Variants in C10orf67 observed in about 807,000 individuals in gnomAD.
C10orf67 encodes chromosome 10 open reading frame 67.
A neutral mutation model predicts 35.6 loss-of-function variants in C10orf67; 60 were observed. The ratio of observed to expected loss-of-function variants is 1.68; its 90% CI spans 1.37 to 2.09. The LOEUF is 2.09. C10orf67 is among the 30% of genes most tolerant of loss of function. The pLI is 0.00. For missense variants in C10orf67, 474 were observed against 330.2 expected (o/e 1.44, Z -3.38); for synonymous variants, 167 against 115.8 (o/e 1.44, Z -2.84).
chr10:23,263,611 G>T (rs1842808436), intron 10 of C10orf67, among the ~76,000 whole-genome samples: 2 of 152,036 alleles, frequency 1.3e-5, no homozygotes, highest in Admixed American at 1.3e-4. Flanking sequence ...ACACAGAAGG[G>T]CCCTGATTCT....
chr10:23,299,389 G>A (rs1032835700), intron 5 of C10orf67, among the ~76,000 whole-genome samples: 18 of 152,184 alleles, frequency 1.2e-4, no homozygotes, highest in East Asian at 3.9e-4. Context: ...TTCTTTGCTC[G>A]TCCATATTGT....
chr10:23,278,249 C>T (rs1691533550), intron 8 of C10orf67, among the ~76,000 whole-genome samples: 1 of 152,050 alleles, frequency 6.6e-6, no homozygotes, highest in Admixed American at 6.5e-5. Context: ...GTAAAGCGAT[C>T]CTGAGACCAA....
At chr10:23,327,201 G>T (rs1241222973) in intron 2 of C10orf67, among the ~76,000 whole-genome samples, 1 of 151,352 alleles carries the variant, frequency 6.6e-6, no homozygotes, top group Non-Finnish European at 1.5e-5. Context: ...GGAGAAAAAA[G>T]GTATAGAAAA....
chr10:23,333,115 T>C lies in C10orf67; in HGVS notation c.274A>G (p.Ser92Gly). Residue 92 changes from serine to glycine, a missense_variant, in exon 2 of 16, where the codon AGT becomes GGT. Ser to Gly is a moderately conservative substitution (Grantham distance 56, BLOSUM62 0). Transcript: ENST00000636213. Reference protein sequence around the residue: ...STDHATQTDSSEILSVKELSS... With the variant: ...STDHATQTDSGEILSVKELSS... ...AATTCTTTTACTGACAGTATTTCACTGGAATCAGTTTGAGTGGCATGGTCT... is the reference window on the plus strand; with the variant it reads ...AATTCTTTTACTGACAGTATTTCACCGGAATCAGTTTGAGTGGCATGGTCT... The C allele has an allele frequency of 6.2e-7, 1 of 1,611,098 alleles. No homozygotes were observed. The highest frequency in any genetic ancestry group is 8.5e-7 in the Non-Finnish European group (1 of 1,177,600).
rs527931401 is a variant in C10orf67, at chr10:23,229,300, G to A, written c.1435-5482C>T. 3.3e-5 allele frequency among the ~76,000 whole-genome samples: 5 copies of A among 151,812 alleles called. 1 individual carries two copies. In the South Asian group the frequency reaches 1.0e-3, roughly 32 times the overall value. On this transcript the variant is annotated intron_variant, in intron 13 of 15. Coordinates refer to ENST00000636213, the MANE Select transcript of C10orf67 (RefSeq NM_001371909.1). The stretch of plus-strand genomic sequence containing the variant: ...CCTTTTTAGGGACATGGATGAAGCT[G>A]GAAACCATCATTCTCAGCAAACTAT...
chr10:23,253,832 A>G (rs564427055), intron 10 of C10orf67, among the ~76,000 whole-genome samples: 1 of 152,300 alleles, frequency 6.6e-6, no homozygotes, highest in African/African-American at 2.4e-5. Context: ...TCAAAAGACA[A>G]CACTATTATG....
chr10:23,221,337 A>G (rs1841574960), intron 15 of C10orf67, among the ~76,000 whole-genome samples: 1 of 152,162 alleles, frequency 6.6e-6, no homozygotes, highest in South Asian at 2.1e-4. Flanking sequence ...CTATAATCCA[A>G]TCACCTCCCA....
At chr10:23,287,084 C>T (rs2132250760) in intron 7 of C10orf67, among the ~76,000 whole-genome samples, 1 of 152,308 alleles carries the variant, frequency 6.6e-6, no homozygotes, top group South Asian at 2.1e-4. Flanking sequence ...CTATTTCCAT[C>T]AAACTACCAT....
At position 23,203,919 on chromosome 10, in the gene C10orf67, C is replaced by G. The variant is rs988357668; in HGVS notation, c.*254G>C. 2 of 320,968 alleles carry G rather than the reference C, an allele frequency of 6.2e-6. No homozygotes were observed. The highest frequency in any genetic ancestry group is 5.6e-6 in the Non-Finnish European group (1 of 178,118). The allele number at this position is 320,968 out of a possible 1,614,324, so 19.9% of individuals were successfully genotyped here. A position where few individuals can be genotyped will look rare whatever the true frequency, so the allele number is the denominator to read the frequency against. On this transcript the variant is annotated 3_prime_UTR_variant, in exon 16 of 16. Coordinates refer to ENST00000636213, the MANE Select transcript of C10orf67 (RefSeq NM_001371909.1). ...AGCTCCTGAATGGATGTGGTTGCCCCGGAGGTTCAGTGCGCCCCGCTCACC... is the reference window on the plus strand; with the variant it reads ...AGCTCCTGAATGGATGTGGTTGCCCGGGAGGTTCAGTGCGCCCCGCTCACC...
chr10:23,264,791 T>G (rs538463384), intron 10 of C10orf67, among the ~76,000 whole-genome samples: 8 of 152,280 alleles, frequency 5.3e-5, no homozygotes, highest in Admixed American at 1.3e-4. Flanking sequence ...TCTGCCCCAG[T>G]GGCTGACCGG....
chr10:23,338,867 A>T (rs1845781419), intron 1 of C10orf67, among the ~76,000 whole-genome samples: 1 of 152,202 alleles, frequency 6.6e-6, no homozygotes, highest in South Asian at 2.1e-4. Flanking sequence ...AATAAAAAAA[A>T]TAAAATTAGC....
intron 7 of C10orf67, among the ~76,000 whole-genome samples, chr10:23,288,999 T>C (rs1843632277): frequency 6.6e-6 from 1 of 152,142 alleles, no homozygotes; most frequent in African/African-American, 2.4e-5. Flanking sequence ...GCAGGGAAGA[T>C]AGACCATAAC....
intron 4 of C10orf67, among the ~76,000 whole-genome samples, chr10:23,314,336 G>A (rs1054910350): frequency 4.6e-5 from 7 of 151,982 alleles, no homozygotes; most frequent in South Asian, 2.1e-4. Flanking sequence ...AAACACACAC[G>A]TTTGGCCAGG....
Position 23,280,121 on chromosome 10 carries a change from CTG to C in C10orf67, c.975+1890_975+1891del, listed in dbSNP as rs1452106118. Among the ~76,000 whole-genome samples the C allele has an allele frequency of 2.0e-5, 3 of 152,312 alleles. No individual in the cohort carries two copies. The East Asian group carries it at 5.8e-4, about 29-fold the overall frequency. On this transcript the variant is annotated intron_variant, in intron 8 of 15. Transcript: ENST00000636213. Reference sequence around the variant, plus strand: ...CCTCCCATCTCAGTCTCCCAAAGCACTGGGATTACAGGCATGAGCTGCCACAC... The same window carrying C: ...CCTCCCATCTCAGTCTCCCAAAGCACGGATTACAGGCATGAGCTGCCACAC...
chr10:23,318,761 G>T, intron 4 of C10orf67: 1 of 650,166 alleles, frequency 1.5e-6, no homozygotes. Context: ...CTTAGACACT[G>T]AGGGGTTGTT....
intron 12 of C10orf67, among the ~76,000 whole-genome samples, chr10:23,248,476 C>A (rs1483360873): frequency 6.6e-6 from 1 of 152,104 alleles, no homozygotes. Context: ...GAAATGAAGC[C>A]CTGAATTGGA....
At chr10:23,268,816 G>A (rs1313660958) in intron 8 of C10orf67, among the ~76,000 whole-genome samples, 1 of 152,176 alleles carries the variant, frequency 6.6e-6, no homozygotes, top group Non-Finnish European at 1.5e-5. Flanking sequence ...ATTGTTCCTA[G>A]GCCACAAACC....
intron 4 of C10orf67, among the ~76,000 whole-genome samples, chr10:23,310,036 T>C (rs1235318334): frequency 3.3e-5 from 5 of 152,216 alleles, no homozygotes; most frequent in Non-Finnish European, 5.9e-5. Flanking sequence ...GATGTTTCAC[T>C]AGTGTTTATG....
rs61499923 is a variant in C10orf67, at chr10:23,256,682, GTTTT to G, written c.1201-5995_1201-5992del. Among the ~76,000 whole-genome samples the G allele has an allele frequency of 4.9e-3, 712 of 146,738 alleles. 4 individuals carry two copies. Among genetic ancestry groups the G allele is most frequent in the African/African-American group, 0.017 (672 of 40,288 alleles). On this transcript the variant is annotated intron_variant, in intron 10 of 15. Transcript: ENST00000636213. Reference sequence around the variant, plus strand: ...AAGTGGAGCTTGCACTCACTCACAAGTTTTTTTTTTTTTCCTGTCCCTTACCAGA... The same window carrying G: ...AAGTGGAGCTTGCACTCACTCACAAGTTTTTTTTTCCTGTCCCTTACCAGA...
Sources: gnomAD v4.1 joint callset for allele counts (sites outside exome capture counted in the v4.1 genomes callset) on GRCh38, gnomAD v4.1.1 for gene constraint, MANE v1.5 for transcripts, NCBI Gene and HGNC (gene_info 2026-07-23, HGNC 2026-07-21) for gene names.